CPEB2: variants seen among roughly 807,000 people sequenced by gnomAD.
CPEB2 encodes cytoplasmic polyadenylation element binding protein 2, also known as cytoplasmic polyadenylation element-binding protein 2.
In CPEB2, 56 loss-of-function variants were observed where a neutral mutation model predicts 93.6. The ratio of observed to expected loss-of-function variants is 0.60; its 90% CI spans 0.48 to 0.75. The LOEUF is 0.75. Ranked by LOEUF, CPEB2 falls within the 30% of genes least tolerant of loss-of-function variation. The pLI is 0.00. For missense variants in CPEB2, 1,579 were observed against 1,395.1 expected (o/e 1.13, Z -2.10); for synonymous variants, 764 against 586.3 (o/e 1.30, Z -4.38).
intron 2 of CPEB2, among the ~76,000 whole-genome samples, 173 bp from the exon 3 acceptor site, chr4:15,008,165 T>C (rs1295982058): frequency 6.6e-6 from 1 of 152,236 alleles, no homozygotes; most frequent in Admixed American, 6.5e-5. Context: ...GAAGTTCCCT[T>C]ATGGCTATTG....
At position 15,003,345 on chromosome 4, in the gene CPEB2, C is replaced by T. The variant is rs1722254755; in HGVS notation, c.672C>T (p.Leu224=). Residue 224 remains leucine (L), a synonymous_variant, in exon 1 of 12, where the codon CTC becomes CTT. Transcript: ENST00000538197. The part of the protein sequence containing the change: ...PAGPLLQPAQ[L]AQRQQQQPPQ... ...GCCCGCTCCTCCAGCCGGCGCAGCTCGCTCAGCGCCAGCAGCAACAGCCGC... is the reference window on the plus strand; with the variant it reads ...GCCCGCTCCTCCAGCCGGCGCAGCTTGCTCAGCGCCAGCAGCAACAGCCGC... The T allele has an allele frequency of 7.2e-7, 1 of 1,394,754 alleles. No individual in the cohort carries two copies. Among genetic ancestry groups the T allele is most frequent in the Non-Finnish European group, 9.2e-7 (1 of 1,087,770 alleles). The allele number at this position is 1,394,754 out of a possible 1,614,324, so 86.4% of individuals were successfully genotyped here.
chr4:15,009,729 A>C (rs1014839629), intron 3 of CPEB2, among the ~76,000 whole-genome samples: 6 of 152,210 alleles, frequency 3.9e-5, no homozygotes, highest in Non-Finnish European at 8.8e-5. Context: ...AGGAGAAATA[A>C]GTATCCATGG....
intron 3 of CPEB2, among the ~76,000 whole-genome samples, chr4:15,014,555 A>C (rs1723870462): frequency 6.6e-6 from 1 of 152,012 alleles, no homozygotes. Context: ...TGCTTGTCTC[A>C]GTTTAGTCAA....
At chr4:15,048,079 C>T (rs1727882309) in intron 6 of CPEB2, among the ~76,000 whole-genome samples, 1 of 151,750 alleles carries the variant, frequency 6.6e-6, no homozygotes, top group South Asian at 2.1e-4. Context: ...GGGGTGAACC[C>T]CACTTAATCA....
rs1722447617 is a variant in CPEB2 at position 15,004,153 on chromosome 4, G to C, written c.1480G>C (p.Ala494Pro). The change falls in exon 1 of 12, where the codon GCT (alanine) becomes CCT (proline). Residue 494 changes from alanine (A) to proline (P), a missense_variant. By Grantham distance (27) the Ala-to-Pro change is conservative. This residue lies in a region of CPEB2 where 1,411 missense variants were observed against 1,056.0 expected (regional missense o/e 1.34). Coordinates refer to ENST00000538197, the MANE Select transcript of CPEB2 (RefSeq NM_001177382.2). ...CGGCGGCTTCGGCGGCCCCTTCTCGGCTACCGCTGTGCCCCCTCCGCCGCC... is the reference window on the plus strand; with the variant it reads ...CGGCGGCTTCGGCGGCCCCTTCTCGCCTACCGCTGTGCCCCCTCCGCCGCC... ...GGGGFGGPFSATAVPPPPPPA... is the reference protein window; with the variant it reads ...GGGGFGGPFSPTAVPPPPPPA... 1 of 1,456,924 alleles carries C rather than the reference G, an allele frequency of 6.9e-7. No homozygotes were observed. The allele number at this position is 1,456,924 out of a possible 1,614,324, so 90.2% of individuals were successfully genotyped here. A position where few individuals can be genotyped will look rare whatever the true frequency, so the allele number is the denominator to read the frequency against.
chr4:15,062,862 TAAG>T (rs753074546), intron 11 of CPEB2, among the ~76,000 whole-genome samples: 23 of 152,058 alleles, frequency 1.5e-4, no homozygotes, highest in Non-Finnish European at 3.2e-4. Flanking sequence ...TAAGAACTTG[TAAG>T]AAGTACTAGG....
intron 3 of CPEB2, 133 bp downstream of exon 3, chr4:15,008,560 T>A: frequency 2.1e-6 from 1 of 477,894 alleles, no homozygotes; most frequent in Non-Finnish European, 3.6e-6. Flanking sequence ...GCAATTTATT[T>A]TTTAAGGATC....
chr4:15,002,709 C>G lies in CPEB2; in HGVS notation c.36C>G (p.Ala12=). The G allele has an allele frequency of 6.6e-7, 1 of 1,526,214 alleles. No homozygotes were observed. The highest frequency in any genetic ancestry group is 8.8e-7 in the Non-Finnish European group (1 of 1,141,998). 94.5% of individuals were successfully genotyped at this position (1,526,214 alleles called of 1,614,324 possible). A position where few individuals can be genotyped will look rare whatever the true frequency, so the allele number is the denominator to read the frequency against. Residue 12 remains alanine, a synonymous_variant, in exon 1 of 12, where the codon GCC becomes GCG. Coordinates refer to ENST00000538197, the MANE Select transcript of CPEB2 (RefSeq NM_001177382.2). The part of the protein sequence containing the change: ...RDFGFGVLQT[A]PLRSSSPGPL... ...TCGGGTTTGGGGTGCTGCAGACCGCCCCGCTCCGAAGTAGCAGTCCTGGGC... is the reference window on the plus strand; with the variant it reads ...TCGGGTTTGGGGTGCTGCAGACCGCGCCGCTCCGAAGTAGCAGTCCTGGGC...
chr4:15,016,474 G>A (rs1001093383), intron 3 of CPEB2, among the ~76,000 whole-genome samples: 1 of 151,990 alleles, frequency 6.6e-6, no homozygotes. Context: ...TGGAGACTTG[G>A]TGAAGTAGCA....
chr4:15,026,970 G>A (rs1257564799), intron 4 of CPEB2, among the ~76,000 whole-genome samples: 1 of 151,966 alleles, frequency 6.6e-6, no homozygotes, highest in South Asian at 2.1e-4. Flanking sequence ...ATTCCTACTG[G>A]TTATCAGCAT....
At chr4:15,059,018 G>A (rs578091159) in intron 9 of CPEB2, among the ~76,000 whole-genome samples, 169 bp from the exon 10 acceptor site, 61 of 152,128 alleles carry the variant, frequency 4.0e-4, no homozygotes, top group Non-Finnish European at 6.2e-4. Context: ...CAGAGACTGC[G>A]GATTTATAGT....
At chr4:15,053,176 C>G (rs1728398508) in intron 7 of CPEB2, among the ~76,000 whole-genome samples, 1 of 151,958 alleles carries the variant, frequency 6.6e-6, no homozygotes. Flanking sequence ...GCCACCATGC[C>G]CCGCTAATTT....
At chr4:15,027,664 G>C (rs1218337367) in intron 4 of CPEB2, among the ~76,000 whole-genome samples, 1 of 152,096 alleles carries the variant, frequency 6.6e-6, no homozygotes, top group African/African-American at 2.4e-5. Flanking sequence ...AAATGAGTTG[G>C]GGCAATGCTT....
chr4:15,029,963 C>T (rs1420402097), intron 4 of CPEB2, among the ~76,000 whole-genome samples: 7 of 152,074 alleles, frequency 4.6e-5, no homozygotes, highest in Non-Finnish European at 8.8e-5. Context: ...TGCAGGGGTA[C>T]ACTTACCTAC....
At chr4:15,053,813 T>C (rs1470646064) in intron 7 of CPEB2, among the ~76,000 whole-genome samples, 2 of 152,154 alleles carry the variant, frequency 1.3e-5, no homozygotes, top group African/African-American at 2.4e-5. Flanking sequence ...TTTTTTTCAA[T>C]CCAGTGCTAT....
intron 6 of CPEB2, among the ~76,000 whole-genome samples, chr4:15,049,674 C>A (rs1358147892): frequency 6.6e-6 from 1 of 152,126 alleles, no homozygotes; most frequent in African/African-American, 2.4e-5. Context: ...TACATTGCTT[C>A]CTGTTTCTAA....
intron 4 of CPEB2, among the ~76,000 whole-genome samples, chr4:15,023,356 T>C (rs1018870404): frequency 1.2e-4 from 18 of 152,018 alleles, no homozygotes; most frequent in Non-Finnish European, 1.5e-4. Context: ...TTCTCCAAAA[T>C]GATAGCATTT....
chr4:15,038,878 C>T (rs907935591), intron 5 of CPEB2, among the ~76,000 whole-genome samples: 1 of 151,998 alleles, frequency 6.6e-6, no homozygotes, highest in African/African-American at 2.4e-5. Flanking sequence ...CATGACCACC[C>T]GTGTGTAGCT....
At position 15,003,582 on chromosome 4, in the gene CPEB2, C is replaced by T. The variant is rs1722306142; in HGVS notation, c.909C>T (p.Ser303=). ...AGTCCCCCAATGCGGGCTTGGCCTCCTCGACGCCGGTGAACCCCGCGCCGG... is the reference window on the plus strand; with the variant it reads ...AGTCCCCCAATGCGGGCTTGGCCTCTTCGACGCCGGTGAACCCCGCGCCGG... The part of the protein sequence containing the change: ...AAESPNAGLA[S]STPVNPAPGS... Residue 303 remains serine (S), a synonymous_variant, in exon 1 of 12, where the codon TCC becomes TCT. Transcript: ENST00000538197. 2.0e-6 allele frequency: 3 copies of T among 1,475,812 alleles called. No individual in the cohort carries two copies. Among genetic ancestry groups the T allele is most frequent in the South Asian group, 2.5e-5 (2 of 78,834 alleles). The allele number at this position is 1,475,812 out of a possible 1,614,324, so 91.4% of individuals were successfully genotyped here.
Sources: gnomAD v4.1 joint callset for allele counts (sites outside exome capture counted in the v4.1 genomes callset) on GRCh38, gnomAD v4.1.1 for gene constraint, gnomAD v4.1.1 regional missense constraint, MANE v1.5 for transcripts, NCBI Gene and HGNC (gene_info 2026-07-23, HGNC 2026-07-21) for gene names.